Variants in ANKRD31 observed in about 807,000 individuals in gnomAD.
ANKRD31 encodes ankyrin repeat domain 31.
ANKRD31 carries 147 observed loss-of-function variants against 186.0 expected under a neutral mutation model. That is an observed-to-expected ratio of 0.79 (90% CI 0.69 to 0.91). The LOEUF (loss-of-function observed/expected upper bound fraction) is 0.91, where lower values mean the gene tolerates loss of function less well. ANKRD31 is among the 40% of genes least tolerant of loss of function. The probability of loss-of-function intolerance (pLI) is 0.00; values close to 1 mark genes in which losing one functional copy is unlikely to be tolerated. For synonymous variants in ANKRD31, 673 were observed against 736.4 expected (o/e 0.91, Z 1.39); for missense variants, 1,986 against 2,148.8 (o/e 0.92, Z 1.50).
At position 75,068,473 on chromosome 5, in the gene ANKRD31, T is replaced by G. The variant is rs1743939128; in HGVS notation, c.*46A>C. ...TACAAGATGAAATATAAATGTTTGT[T>G]GGTAATTTGAACAAATATCCAATAA... On this transcript the variant is annotated 3_prime_UTR_variant, in exon 26 of 26. Coordinates refer to ENST00000506364, the MANE Select transcript of ANKRD31 (RefSeq NM_001372053.1). The G allele has an allele frequency of 7.0e-7, 1 of 1,424,524 alleles. No homozygotes were observed. The highest frequency in any genetic ancestry group is 1.8e-4 in the Middle Eastern group (1 of 5,534). The allele number at this position is 1,424,524 out of a possible 1,614,324, so 88.2% of individuals were successfully genotyped here.
chr5:75,210,763 A>T, intron 4 of ANKRD31, 65 bp downstream of exon 4: 1 of 1,134,024 alleles, frequency 8.8e-7, no homozygotes. Flanking sequence ...ATGAATATTC[A>T]TCTTAGATGT....
At chr5:75,130,419 C>T (rs1057456170) in intron 17 of ANKRD31, among the ~76,000 whole-genome samples, 1 of 152,210 alleles carries the variant, frequency 6.6e-6, no homozygotes, top group African/African-American at 2.4e-5. Context: ...CCTTATCTGG[C>T]CCCACCTACA....
At chr5:75,070,840 C>T (rs562393342) in intron 25 of ANKRD31, among the ~76,000 whole-genome samples, 1 of 152,280 alleles carries the variant, frequency 6.6e-6, no homozygotes, top group African/African-American at 2.4e-5. Flanking sequence ...TGCCTGTAAT[C>T]CCAGTACTTT....
At chr5:75,194,830 T>C (rs1344396705) in intron 7 of ANKRD31, among the ~76,000 whole-genome samples, 1 of 152,024 alleles carries the variant, frequency 6.6e-6, no homozygotes, top group African/African-American at 2.4e-5. Context: ...ATGATGGAAA[T>C]AATTGGAGAG....
intron 5 of ANKRD31, among the ~76,000 whole-genome samples, chr5:75,203,074 G>C (rs547066810): frequency 3.9e-5 from 6 of 152,202 alleles, no homozygotes; most frequent in African/African-American, 7.2e-5. Flanking sequence ...AGCCTCCCTA[G>C]TAGCTGGGAC....
intron 10 of ANKRD31, among the ~76,000 whole-genome samples, chr5:75,173,985 A>G (rs951905995): frequency 1.3e-5 from 2 of 152,314 alleles, no homozygotes; most frequent in East Asian, 3.9e-4. Flanking sequence ...ACTATACTAC[A>G]AGGTTACAGT....
At chr5:75,172,005 A>AT (rs1011670665) in intron 10 of ANKRD31, among the ~76,000 whole-genome samples, 3 of 151,916 alleles carry the variant, frequency 2.0e-5, no homozygotes, top group Admixed American at 2.0e-4. Context: ...ATAAAGATAG[A>AT]TTTTTTAAAA....
chr5:75,224,512 A>T (rs979636817), intron 2 of ANKRD31, among the ~76,000 whole-genome samples: 4 of 152,278 alleles, frequency 2.6e-5, no homozygotes, highest in African/African-American at 9.6e-5. Flanking sequence ...ATATATATGG[A>T]AATTTAATAT....
intron 11 of ANKRD31, among the ~76,000 whole-genome samples, chr5:75,168,023 T>C (rs1468556727): frequency 6.6e-6 from 1 of 152,090 alleles, no homozygotes; most frequent in African/African-American, 2.4e-5. Context: ...AATTCTCTCC[T>C]CCTAGTCCTC....
At chr5:75,204,339 T>TGAGATTATTTCTCTC (rs1415308453) in intron 5 of ANKRD31, among the ~76,000 whole-genome samples, 4 of 152,232 alleles carry the variant, frequency 2.6e-5, no homozygotes, top group Non-Finnish European at 4.4e-5. Flanking sequence ...TGTTGGGGCA[T>TGAGATTATTTCTCTC]GAGATTATTT....
In ANKRD31 at chr5:75,122,481, A is replaced by C. The variant is rs183719424; in HGVS notation, c.3877-4184T>G. On this transcript the variant is annotated intron_variant, in intron 17 of 25. Transcript: ENST00000506364. ...TCTGACAAGAACACAAACAAACAGAAAAAAAACTACAGACCAATATCCCTG... is the reference window on the plus strand; with the variant it reads ...TCTGACAAGAACACAAACAAACAGACAAAAAACTACAGACCAATATCCCTG... Among the ~76,000 whole-genome samples the C allele has an allele frequency of 3.0e-3, 462 of 152,178 alleles. 4 individuals are homozygous for C. Among genetic ancestry groups the C allele is most frequent in the African/African-American group, 0.011 (444 of 41,540 alleles).
chr5:75,131,466 G>A (rs1347007395), intron 17 of ANKRD31, among the ~76,000 whole-genome samples: 1 of 152,214 alleles, frequency 6.6e-6, no homozygotes, highest in Non-Finnish European at 1.5e-5. Context: ...TGGGGGAGGG[G>A]CGTCCACCAT....
At chr5:75,092,268 A>G (rs2150033173) in intron 22 of ANKRD31, among the ~76,000 whole-genome samples, 1 of 152,338 alleles carries the variant, frequency 6.6e-6, no homozygotes, top group East Asian at 1.9e-4. Flanking sequence ...ATGTAGGCTA[A>G]GCTGTAGGCA....
intron 17 of ANKRD31, among the ~76,000 whole-genome samples, chr5:75,124,696 G>C (rs558463588): frequency 1.6e-4 from 24 of 152,222 alleles, no homozygotes; most frequent in African/African-American, 5.8e-4. Context: ...GGCCATCCAT[G>C]TTGTTAAGTG....
intron 17 of ANKRD31, among the ~76,000 whole-genome samples, chr5:75,136,544 G>A (rs908966765): frequency 6.6e-6 from 1 of 152,208 alleles, no homozygotes; most frequent in Admixed American, 6.5e-5. Flanking sequence ...GGAGAAATAG[G>A]AACACTTTTA....
intron 17 of ANKRD31, among the ~76,000 whole-genome samples, chr5:75,125,785 A>T (rs2150098454): frequency 6.6e-6 from 1 of 152,358 alleles, no homozygotes; most frequent in East Asian, 1.9e-4. Context: ...AAGGCACTAA[A>T]CAGGAAAAGC....
At chr5:75,177,479 C>G (rs1030030528) in intron 10 of ANKRD31, among the ~76,000 whole-genome samples, 10 of 152,170 alleles carry the variant, frequency 6.6e-5, no homozygotes, top group South Asian at 2.1e-4. Flanking sequence ...AGGGCAGCCA[C>G]AGAGAAAGGT....
At chr5:75,098,555 A>T (rs1420734455) in intron 22 of ANKRD31, among the ~76,000 whole-genome samples, 2 of 152,014 alleles carry the variant, frequency 1.3e-5, no homozygotes, top group African/African-American at 4.8e-5. Context: ...GATTCTTCCT[A>T]TCCATGAGCA....
intron 8 of ANKRD31, 61 bp downstream of exon 8, chr5:75,193,250 A>G (rs976681612): frequency 1.6e-5 from 24 of 1,472,954 alleles, no homozygotes; most frequent in Middle Eastern, 2.4e-4. Context: ...GTCCCCAAGC[A>G]TATAATTATC....
Sources: gnomAD v4.1 joint callset for allele counts (sites outside exome capture counted in the v4.1 genomes callset) on GRCh38, gnomAD v4.1.1 for gene constraint, MANE v1.5 for transcripts, NCBI Gene and HGNC (gene_info 2026-07-23, HGNC 2026-07-21) for gene names.